The following ABCG2 variants were observed in gnomAD, a reference collection of about 807,000 sequenced individuals.
ABCG2 encodes ATP binding cassette subfamily G member 2 (JR blood group).
In ABCG2, 80 loss-of-function variants were observed where a neutral mutation model predicts 73.5. That is an observed-to-expected ratio of 1.09 (90% CI 0.91 to 1.31). The LOEUF (loss-of-function observed/expected upper bound fraction) is 1.31, where lower values mean the gene tolerates loss of function less well. Ranked by LOEUF, ABCG2 falls within the 50% of genes most tolerant of loss-of-function variation. The probability of loss-of-function intolerance (pLI) is 0.00; values close to 1 mark genes in which losing one functional copy is unlikely to be tolerated. For missense variants in ABCG2, 796 were observed against 786.2 expected, an observed-to-expected ratio of 1.01 and a Z score of -0.15; for synonymous variants, 269 against 282.4, an observed-to-expected ratio of 0.95 and a Z score of 0.48.
In ABCG2 at chr4:88,131,208, A is replaced by AT; in HGVS notation, c.383dup (p.Asp128GlufsTer29). On this transcript the variant is annotated frameshift_variant, in exon 5 of 16. Transcript: ENST00000237612. LOFTEE classifies it high-confidence loss of function. ...TCACCGTCAGAGTGCCCATCACAAC[A>AT]TCATCCTTAAGGCAAATAGCATTTT... 6.2e-7 allele frequency: 1 copy of AT among 1,613,982 alleles called. No individual in the cohort carries two copies. Among genetic ancestry groups the AT allele is most frequent in the Non-Finnish European group, 8.5e-7 (1 of 1,179,918 alleles).
intron 2 of ABCG2, among the ~76,000 whole-genome samples, chr4:88,135,642 C>A (rs1725197171): frequency 6.6e-6 from 1 of 152,134 alleles, no homozygotes; most frequent in Admixed American, 6.5e-5. Flanking sequence ...TGTTCTGAAT[C>A]CCCCACTAGG....
rs35965584 is a variant in ABCG2, at chr4:88,097,476, T to C, written c.1624A>G (p.Thr542Ala). Residue 542 changes from threonine (T) to alanine (A), a missense_variant, in exon 13 of 16, where the codon ACC becomes GCC. Coordinates refer to ENST00000237612, the MANE Select transcript of ABCG2 (RefSeq NM_004827.3). ...ACCATCATAAACACAAAACAGATGG[T>C]CATGAGAAGTGTTGCTACAGAAACC... ...SVVSVATLLM[T>A]ICFVFMMIFS... The C allele has an allele frequency of 1.5e-4, 247 of 1,614,052 alleles. No homozygotes were observed. In the African/African-American group the frequency reaches 2.9e-3, roughly 19 times the overall value.
intron 1 of ABCG2, among the ~76,000 whole-genome samples, chr4:88,146,441 C>T (rs943355588): frequency 9.9e-5 from 15 of 151,508 alleles, no homozygotes; most frequent in African/African-American, 2.7e-4. Context: ...TTGCCGAGGA[C>T]GTAGTGCAGT....
At chr4:88,161,948 T>C (rs1727337910), upstream of ABCG2, among the ~76,000 whole-genome samples, 2 of 149,688 alleles carry the variant, frequency 1.3e-5, no homozygotes, top group East Asian at 2.0e-4. Context: ...CTTCATGTGT[T>C]TTTTGGCTGC....
At chr4:88,147,808 C>T (rs1232870559) in intron 1 of ABCG2, among the ~76,000 whole-genome samples, 1 of 152,200 alleles carries the variant, frequency 6.6e-6, no homozygotes, top group African/African-American at 2.4e-5. Context: ...AGCAAAAACA[C>T]ACATACAGAA....
intron 1 of ABCG2, among the ~76,000 whole-genome samples, chr4:88,176,900 C>G (rs2110097071): frequency 6.6e-6 from 1 of 151,988 alleles, no homozygotes; most frequent in South Asian, 2.1e-4. Context: ...CTCTATGAGC[C>G]ATATATGGTG....
intron 5 of ABCG2, among the ~76,000 whole-genome samples, chr4:88,127,987 C>G (rs891187615): frequency 2.0e-5 from 3 of 147,792 alleles, no homozygotes; most frequent in African/African-American, 7.4e-5. Flanking sequence ...TCAGAGTGAA[C>G]AGGCAACCTA....
chr4:88,230,455 G>C (rs934598860), intron 1 of ABCG2, among the ~76,000 whole-genome samples: 1 of 151,708 alleles, frequency 6.6e-6, no homozygotes, highest in East Asian at 1.9e-4. Flanking sequence ...GATATAGGCA[G>C]TTAATACAAA....
At chr4:88,153,100 A>G (rs914235815) in intron 1 of ABCG2, among the ~76,000 whole-genome samples, 3 of 152,228 alleles carry the variant, frequency 2.0e-5, no homozygotes, top group Admixed American at 6.5e-5. Flanking sequence ...AAGGAGGTTC[A>G]GCATAGCCCT....
Position 88,155,977 on chromosome 4 carries a change from T to C in ABCG2, c.-20+2409A>G, listed in dbSNP as rs75590996. On this transcript the variant is annotated intron_variant, in intron 1 of 15. Coordinates refer to ENST00000237612, the MANE Select transcript of ABCG2 (RefSeq NM_004827.3). ...CTTCTAATACCATTCTAAAGCAAAATAATCACAGTGCCTTGGAGAAATGGA... is the reference window on the plus strand; with the variant it reads ...CTTCTAATACCATTCTAAAGCAAAACAATCACAGTGCCTTGGAGAAATGGA... Among the ~76,000 whole-genome samples the C allele has an allele frequency of 4.7e-3, 716 of 151,644 alleles. 3 individuals carry two copies. Among genetic ancestry groups the C allele is most frequent in the African/African-American group, 0.016 (651 of 41,306 alleles).
At chr4:88,217,495 T>C (rs1008967837) in intron 1 of ABCG2, among the ~76,000 whole-genome samples, 1 of 152,178 alleles carries the variant, frequency 6.6e-6, no homozygotes, top group Non-Finnish European at 1.5e-5. Flanking sequence ...ACCCTGTCTC[T>C]ACTAAAAATT....
At chr4:88,207,391 GGTCT>G (rs1729419610) in intron 1 of ABCG2, among the ~76,000 whole-genome samples, 2 of 152,054 alleles carry the variant, frequency 1.3e-5, no homozygotes, top group African/African-American at 4.8e-5. Flanking sequence ...GGCATAAACA[GGTCT>G]ACATCCTAGT....
intron 5 of ABCG2, among the ~76,000 whole-genome samples, chr4:88,124,387 A>G (rs1578201641): frequency 3.3e-5 from 5 of 152,234 alleles, no homozygotes; most frequent in African/African-American, 1.2e-4. Context: ...TAAAGAGTCA[A>G]GACCCATCGG....
At chr4:88,230,307 ATTTT>A (rs70959615) in intron 1 of ABCG2, among the ~76,000 whole-genome samples, 6 of 51,460 alleles carry the variant, frequency 1.2e-4, no homozygotes, top group Non-Finnish European at 1.3e-4. Flanking sequence ...ATATATATAT[ATTTT>A]TTTTTTTGGC....
rs978709160 is a variant in ABCG2 at position 88,131,973 on chromosome 4, T to G, written c.264-56A>C. 14 of 1,356,370 alleles carry G rather than the reference T, an allele frequency of 1.0e-5. No individual in the cohort carries two copies. The African/African-American group carries it at 1.9e-4, about 18-fold the overall frequency. The allele number at this position is 1,356,370 out of a possible 1,614,324, so 84.0% of individuals were successfully genotyped here. A position where few individuals can be genotyped will look rare whatever the true frequency, so the allele number is the denominator to read the frequency against. ...ATAACCTATAAGAGAATATATATGT[T>G]GTGGGGTTTTTTTCCCTCCAACACA... On this transcript the variant is annotated intron_variant, in intron 3 of 15. Coordinates refer to ENST00000237612, the MANE Select transcript of ABCG2 (RefSeq NM_004827.3).
chr4:88,113,553 G>C lies in ABCG2; in HGVS notation c.944C>G (p.Ala315Gly). ...VALNREEDFK[A>G]TEIIEPSKQD... ...CTTGGAAGGCTCTATGATCTCTGTG[G>C]CTTTGCAATCAGTGGATAAAAAGGA... Residue 315 changes from alanine (A) to glycine (G), a missense_variant and splice_region_variant, in exon 9 of 16, where the codon GCC (alanine) becomes GGC (glycine). Ala to Gly is a moderately conservative substitution (Grantham distance 60, BLOSUM62 0). Coordinates refer to ENST00000237612, the MANE Select transcript of ABCG2 (RefSeq NM_004827.3). 6.2e-7 allele frequency: 1 copy of C among 1,608,944 alleles called. No individual in the cohort carries two copies.
intron 2 of ABCG2, among the ~76,000 whole-genome samples, chr4:88,137,436 G>C (rs371114142): frequency 2.5e-4 from 38 of 152,166 alleles, no homozygotes; most frequent in African/African-American, 9.2e-4. Flanking sequence ...TGACATTATA[G>C]CCAAGTTTGG....
At chr4:88,159,872 T>C (rs897945432), upstream of ABCG2, among the ~76,000 whole-genome samples, 10 of 152,214 alleles carry the variant, frequency 6.6e-5, no homozygotes, top group African/African-American at 2.4e-4. Flanking sequence ...GTAAAATTAT[T>C]CTTTTGAATT....
chr4:88,094,448 G>A, intron 15 of ABCG2, 129 bp downstream of exon 15: 1 of 701,442 alleles, frequency 1.4e-6, no homozygotes, highest in Non-Finnish European at 2.4e-6. Flanking sequence ...TCACTTTATG[G>A]ATGAGAAAAC....
Sources: allele counts gnomAD v4.1 joint callset (sites outside exome capture counted in the v4.1 genomes callset), GRCh38; gene constraint gnomAD v4.1.1; transcripts MANE v1.5; gene names NCBI Gene and HGNC (gene_info 2026-07-23, HGNC 2026-07-21).